The following NRCAM variants were observed in gnomAD, a reference collection of about 807,000 sequenced individuals.
NRCAM encodes the protein NgCAM-related cell adhesion molecule.
Under a neutral mutation model 156.5 loss-of-function variants are expected in NRCAM, and 83 were observed. The ratio of observed to expected loss-of-function variants is 0.53; its 90% CI spans 0.44 to 0.64. The LOEUF is 0.64. Among genes scored for constraint, NRCAM ranks in the 30% least tolerant of loss-of-function variants. The pLI is 0.00. For synonymous variants in NRCAM, 538 were observed against 563.9 expected (o/e 0.95, Z 0.65); for missense variants, 1,417 against 1,597.3 (o/e 0.89, Z 1.92).
intron 2 of NRCAM, among the ~76,000 whole-genome samples, chr7:108,387,192 T>C (rs983304190): frequency 6.6e-6 from 1 of 152,172 alleles, no homozygotes; most frequent in African/African-American, 2.4e-5. Flanking sequence ...GAGAAGTTGC[T>C]CCTCATTTCT....
chr7:108,419,725 T>C (rs1003810560), intron 1 of NRCAM, among the ~76,000 whole-genome samples: 3 of 152,212 alleles, frequency 2.0e-5, no homozygotes, highest in African/African-American at 7.2e-5. Context: ...ATAAAAACTT[T>C]TAATGTCAAA....
intron 2 of NRCAM, among the ~76,000 whole-genome samples, chr7:108,350,882 CTTG>C (rs2099407406): frequency 6.6e-6 from 1 of 152,044 alleles, no homozygotes; most frequent in Non-Finnish European, 1.5e-5. Flanking sequence ...AATTTGGGTA[CTTG>C]TTGATTGGGA....
chr7:108,356,092 G>A lies in NRCAM; in HGVS notation c.-174+43344C>T, dbSNP rs1411061798. Among the ~76,000 whole-genome samples, 12 of 152,080 alleles carry A rather than the reference G, an allele frequency of 7.9e-5. No homozygotes were observed. The East Asian group carries it at 2.3e-3, about 29-fold the overall frequency. ...CCCTGCTGAGTAGCTGGGACTACAG[G>A]CATGTACCACCACATCTGGCTAATT... On this transcript the variant is annotated intron_variant, in intron 2 of 32. Transcript: ENST00000379028.
At chr7:108,432,504 T>C (rs1466758330) in intron 1 of NRCAM, among the ~76,000 whole-genome samples, 1 of 152,190 alleles carries the variant, frequency 6.6e-6, no homozygotes, top group Non-Finnish European at 1.5e-5. Context: ...TAAATGGACA[T>C]GTTGAAAATT....
At chr7:108,398,547 A>C (rs902617577) in intron 2 of NRCAM, among the ~76,000 whole-genome samples, 1 of 152,048 alleles carries the variant, frequency 6.6e-6, no homozygotes, top group Non-Finnish European at 1.5e-5. Context: ...CACATATGCC[A>C]TAACTTCTTA....
chr7:108,351,660 C>A (rs187917604), intron 2 of NRCAM, among the ~76,000 whole-genome samples: 4 of 152,238 alleles, frequency 2.6e-5, no homozygotes. Context: ...GAGGGAGATA[C>A]TGGACTTACT....
chr7:108,336,242 C>T (rs201241136), intron 2 of NRCAM, among the ~76,000 whole-genome samples: 18 of 152,310 alleles, frequency 1.2e-4, no homozygotes, highest in Non-Finnish European at 2.2e-4. Context: ...TCCAGTGCCC[C>T]TTCCCGGCTG....
chr7:108,299,739 A>G (rs1229045037), intron 3 of NRCAM, among the ~76,000 whole-genome samples: 1 of 152,170 alleles, frequency 6.6e-6, no homozygotes, highest in Non-Finnish European at 1.5e-5. Context: ...CAGCACATTG[A>G]CCAGAAGTCT....
chr7:108,283,490 A>C (rs926166264), intron 3 of NRCAM, among the ~76,000 whole-genome samples: 1 of 152,206 alleles, frequency 6.6e-6, no homozygotes, highest in Non-Finnish European at 1.5e-5. Context: ...CCAGGAAAGG[A>C]AAAGGAGCAG....
At chr7:108,438,855 G>A (rs1031052852) in intron 1 of NRCAM, among the ~76,000 whole-genome samples, 4 of 152,062 alleles carry the variant, frequency 2.6e-5, no homozygotes, top group African/African-American at 9.7e-5. Flanking sequence ...AAAATGATAT[G>A]AAGGAAATAA....
At chr7:108,395,247 G>A (rs2154383047) in intron 2 of NRCAM, among the ~76,000 whole-genome samples, 1 of 152,292 alleles carries the variant, frequency 6.6e-6, no homozygotes, top group East Asian at 1.9e-4. Flanking sequence ...GCAGTAGCTA[G>A]GGTTCAAAAG....
chr7:108,389,559 C>A (rs1421930714), intron 2 of NRCAM, among the ~76,000 whole-genome samples: 1 of 152,132 alleles, frequency 6.6e-6, no homozygotes, highest in Non-Finnish European at 1.5e-5. Context: ...CTTTCTCCTG[C>A]CTGATTGCCC....
intron 2 of NRCAM, among the ~76,000 whole-genome samples, chr7:108,378,632 A>AACACACACACAC (rs3077977): frequency 1.7e-5 from 2 of 115,982 alleles, no homozygotes; most frequent in African/African-American, 3.2e-5. Context: ...AGCAGGATTC[A>AACACACACACAC]ACACACACAC....
intron 32 of NRCAM, among the ~76,000 whole-genome samples, chr7:108,152,532 C>G (rs1033424981): frequency 2.3e-4 from 5 of 21,866 alleles, no homozygotes; most frequent in African/African-American, 1.3e-3. Context: ...AGACAGGAAG[C>G]CCTGGGAGGG....
intron 28 of NRCAM, among the ~76,000 whole-genome samples, chr7:108,171,016 C>T (rs1451978388): frequency 1.3e-5 from 2 of 151,948 alleles, no homozygotes; most frequent in Non-Finnish European, 2.9e-5. Context: ...TTAAAGATAC[C>T]CAGAAAAGAT....
In NRCAM at chr7:108,365,619, T is replaced by TTCTGGTTA. The variant is rs1356381119; in HGVS notation, c.-174+33816_-174+33817insTAACCAGA. 8.0e-3 allele frequency among the ~76,000 whole-genome samples: 1,216 copies of TTCTGGTTA among 152,300 alleles called. 7 individuals carry two copies. Among genetic ancestry groups the TTCTGGTTA allele is most frequent in the African/African-American group, 0.028 (1,152 of 41,546 alleles). On this transcript the variant is annotated intron_variant, in intron 2 of 32. Coordinates refer to ENST00000379028, the MANE Select transcript of NRCAM (RefSeq NM_001037132.4). ...TTCTTCCTTCTCGTATTCAGACAGATACATATTCAGGATGAAAACCACACA... is the reference window on the plus strand; with the variant it reads ...TTCTTCCTTCTCGTATTCAGACAGATTCTGGTTAACATATTCAGGATGAAAACCACACA...
chr7:108,313,543 G>C (rs1414560905), intron 2 of NRCAM, among the ~76,000 whole-genome samples: 1 of 152,086 alleles, frequency 6.6e-6, no homozygotes, highest in South Asian at 2.1e-4. Flanking sequence ...CAAATATTAG[G>C]ACAACTATGA....
At chr7:108,228,579 A>AT (rs973307821) in intron 8 of NRCAM, among the ~76,000 whole-genome samples, 1 of 152,212 alleles carries the variant, frequency 6.6e-6, no homozygotes, top group Non-Finnish European at 1.5e-5. Context: ...TTTTTTTCTC[A>AT]TATTGCAGGT....
chr7:108,209,368 A>G, intron 12 of NRCAM, 53 bp downstream of exon 12: 1 of 1,235,970 alleles, frequency 8.1e-7, no homozygotes, highest in South Asian at 1.6e-5. Flanking sequence ...ACATTTAATT[A>G]AAGTTTCAGG....
Sources: allele counts gnomAD v4.1 joint callset (sites outside exome capture counted in the v4.1 genomes callset), GRCh38; gene constraint gnomAD v4.1.1; transcripts MANE v1.5; gene names NCBI Gene and HGNC (gene_info 2026-07-23, HGNC 2026-07-21).